Variants in CDH4 observed in about 807,000 individuals in gnomAD.
CDH4 encodes the protein cadherin 4.
A neutral mutation model predicts 86.0 loss-of-function variants in CDH4; 33 were observed. The ratio of observed to expected loss-of-function variants is 0.38; its 90% CI spans 0.29 to 0.51. CDH4 has a LOEUF of 0.51. Among genes scored for constraint, CDH4 ranks in the 20% least tolerant of loss-of-function variants. CDH4 has a pLI of 0.86. For synonymous variants in CDH4, 555 were observed against 549.4 expected (o/e 1.01, Z -0.14); for missense variants, 1,114 against 1,307.4 (o/e 0.85, Z 2.28).
chr20:61,341,130 G>A (rs1260903543), intron 2 of CDH4, among the ~76,000 whole-genome samples: 3 of 152,208 alleles, frequency 2.0e-5, no homozygotes, highest in Non-Finnish European at 4.4e-5. Flanking sequence ...CGCTCAGTGA[G>A]ATAAAGTGCA....
intron 2 of CDH4, among the ~76,000 whole-genome samples, chr20:61,486,961 C>T (rs568219821): frequency 6.6e-6 from 1 of 151,714 alleles, no homozygotes; most frequent in Non-Finnish European, 1.5e-5. Flanking sequence ...AAGGGAGGTA[C>T]TGTTTTATTC....
At chr20:61,563,406 GTC>G (rs2086237279) in intron 2 of CDH4, among the ~76,000 whole-genome samples, 1 of 152,220 alleles carries the variant, frequency 6.6e-6, no homozygotes, top group Non-Finnish European at 1.5e-5. Flanking sequence ...CAGCCCCAAT[GTC>G]TCCCTCCTTC....
intron 2 of CDH4, among the ~76,000 whole-genome samples, chr20:61,465,865 C>CTTT (rs202098908): frequency 5.1e-5 from 7 of 137,950 alleles, no homozygotes; most frequent in African/African-American, 1.1e-4. Context: ...ACTTTTTTTT[C>CTTT]TTTTTTTTTT....
intron 2 of CDH4, among the ~76,000 whole-genome samples, chr20:61,396,761 T>G (rs1210563306): frequency 6.6e-6 from 1 of 152,200 alleles, no homozygotes; most frequent in African/African-American, 2.4e-5. Flanking sequence ...TCAGTCGCCA[T>G]AGGCACAGTG....
In CDH4 at chr20:61,425,496, G is replaced by T. The variant is rs187181186; in HGVS notation, c.169+170559G>T. Among the ~76,000 whole-genome samples, 211 of 152,358 alleles carry T rather than the reference G, an allele frequency of 1.4e-3. 1 individual carries two copies. Among genetic ancestry groups the T allele is most frequent in the African/African-American group, 4.8e-3 (199 of 41,590 alleles). ...CCATGTCTCCAGCCTGGACCCCTGA[G>T]CAGGACGTGGGCTCTGAGGTCGAGC... On this transcript the variant is annotated intron_variant, in intron 2 of 15. Coordinates refer to ENST00000614565, the MANE Select transcript of CDH4 (RefSeq NM_001794.5).
intron 2 of CDH4, among the ~76,000 whole-genome samples, chr20:61,596,957 T>C (rs1199562965): frequency 6.6e-6 from 1 of 152,232 alleles, no homozygotes; most frequent in Non-Finnish European, 1.5e-5. Flanking sequence ...GGCATGTAGT[T>C]ATCAAAACAT....
intron 2 of CDH4, among the ~76,000 whole-genome samples, chr20:61,615,078 T>C (rs1291056620): frequency 6.6e-6 from 1 of 151,966 alleles, no homozygotes; most frequent in Non-Finnish European, 1.5e-5. Flanking sequence ...TTCTCTGCAT[T>C]GGAAATGTGT....
intron 2 of CDH4, among the ~76,000 whole-genome samples, chr20:61,586,229 A>G (rs2086473841): frequency 6.6e-6 from 1 of 151,826 alleles, no homozygotes. Context: ...ATTAATCATG[A>G]TCATGGTCAT....
chr20:61,284,628 C>T (rs538988085), intron 2 of CDH4, among the ~76,000 whole-genome samples: 1 of 152,298 alleles, frequency 6.6e-6, no homozygotes, highest in South Asian at 2.1e-4. Flanking sequence ...AACATGTGCG[C>T]CGGACAGAGG....
intron 2 of CDH4, among the ~76,000 whole-genome samples, chr20:61,619,287 A>C (rs1311704988): frequency 6.6e-6 from 1 of 151,400 alleles, no homozygotes; most frequent in Non-Finnish European, 1.5e-5. Context: ...CCTCTCTTCC[A>C]CCTCCGCGTG....
At chr20:61,721,591 A>T (rs1283200958) in intron 2 of CDH4, among the ~76,000 whole-genome samples, 1 of 152,218 alleles carries the variant, frequency 6.6e-6, no homozygotes, top group Non-Finnish European at 1.5e-5. Flanking sequence ...TCAAGACTTC[A>T]TGTCAGAATT....
intron 2 of CDH4, among the ~76,000 whole-genome samples, chr20:61,264,921 C>T (rs2084148818): frequency 6.8e-6 from 1 of 146,164 alleles, no homozygotes; most frequent in Non-Finnish European, 1.5e-5. Context: ...CTACACATAC[C>T]TCAGTGGCTC....
chr20:61,299,436 A>T (rs1216517002), intron 2 of CDH4, among the ~76,000 whole-genome samples: 2 of 152,222 alleles, frequency 1.3e-5, no homozygotes, highest in Non-Finnish European at 2.9e-5. Context: ...ATACTTTGTT[A>T]TGGCAGCCAC....
chr20:61,739,471 A>G (rs902203728), intron 2 of CDH4, among the ~76,000 whole-genome samples: 4 of 152,206 alleles, frequency 2.6e-5, no homozygotes, highest in African/African-American at 9.6e-5. Context: ...AAGCCAGGGA[A>G]TGAAACAAAA....
intron 2 of CDH4, among the ~76,000 whole-genome samples, chr20:61,651,954 G>A (rs1404790370): frequency 1.3e-5 from 2 of 152,230 alleles, no homozygotes; most frequent in Non-Finnish European, 2.9e-5. Flanking sequence ...GCAATAGAAA[G>A]TCACAGGGGA....
chr20:61,839,018 T>C (rs1350920625), intron 4 of CDH4, among the ~76,000 whole-genome samples: 6 of 152,178 alleles, frequency 3.9e-5, no homozygotes, highest in Admixed American at 3.9e-4. Flanking sequence ...TCCAGGCAGC[T>C]CAGAACTCCC....
At chr20:61,507,559 T>C (rs145083949) in intron 2 of CDH4, among the ~76,000 whole-genome samples, 23 of 152,210 alleles carry the variant, frequency 1.5e-4, no homozygotes, top group African/African-American at 5.5e-4. Flanking sequence ...GGTTTCACTT[T>C]AAGAAAAACA....
intron 3 of CDH4, among the ~76,000 whole-genome samples, chr20:61,745,626 C>A (rs1251094034): frequency 6.6e-6 from 1 of 151,860 alleles, no homozygotes; most frequent in East Asian, 2.0e-4. Flanking sequence ...TTTCCTTCTT[C>A]CCTGAGTGAT....
At chr20:61,454,013 C>A (rs111456327) in intron 2 of CDH4, among the ~76,000 whole-genome samples, 6,140 of 152,280 alleles carry the variant, frequency 0.04, 429 homozygotes, top group African/African-American at 0.14. Flanking sequence ...GAGGCCTCCC[C>A]AGCCCTGTGG....
Sources: gnomAD v4.1 joint callset for allele counts (sites outside exome capture counted in the v4.1 genomes callset) on GRCh38, gnomAD v4.1.1 for gene constraint, MANE v1.5 for transcripts, NCBI Gene and HGNC (gene_info 2026-07-23, HGNC 2026-07-21) for gene names.